Variants in IGSF21 observed in about 807,000 individuals in gnomAD.
The protein encoded by IGSF21 is immunoglobulin superfamily member 21.
In IGSF21, 28 loss-of-function variants were observed where a neutral mutation model predicts 46.8. The observed-to-expected ratio is 0.60, with a 90% CI of 0.44 to 0.82. The LOEUF (loss-of-function observed/expected upper bound fraction) is 0.82, where lower values mean the gene tolerates loss of function less well. IGSF21 is among the 40% of genes least tolerant of loss of function. The pLI is 0.00. For synonymous variants in IGSF21, 284 were observed against 273.6 expected (o/e 1.04, Z -0.38); for missense variants, 624 against 665.5 (o/e 0.94, Z 0.69).
chr1:18,208,395 A>ATATATATAT (rs369367032), intron 1 of IGSF21, among the ~76,000 whole-genome samples: 31 of 123,772 alleles, frequency 2.5e-4, no homozygotes, highest in African/African-American at 8.2e-4. Context: ...ATATATATAT[A>ATATATATAT]TTTTTTGAGA....
chr1:18,221,545 A>G (rs1010384459), intron 1 of IGSF21, among the ~76,000 whole-genome samples: 5 of 152,154 alleles, frequency 3.3e-5, no homozygotes, highest in Non-Finnish European at 7.3e-5. Flanking sequence ...GCTATTTGTC[A>G]TCACCTCATT....
chr1:18,253,475 G>T (rs570193092), intron 2 of IGSF21, among the ~76,000 whole-genome samples: 48 of 152,322 alleles, frequency 3.2e-4, no homozygotes, highest in African/African-American at 1.1e-3. Flanking sequence ...GTTGCTCCTT[G>T]GTCCTGCCCA....
At position 18,256,749 on chromosome 1, in the gene IGSF21, A is replaced by G. The variant is rs577696596; in HGVS notation, c.183+28739A>G. On this transcript the variant is annotated intron_variant, in intron 2 of 9. Coordinates refer to ENST00000251296, the MANE Select transcript of IGSF21 (RefSeq NM_032880.5). ...CATATTTGCCTCTCAGCATCTGGCT[A>G]TATTTCTGAGACAGGGGAGGAGACA... 1.8e-4 allele frequency among the ~76,000 whole-genome samples: 27 copies of G among 152,278 alleles called. 2 individuals are homozygous for G. In the South Asian group the frequency reaches 5.6e-3, roughly 32 times the overall value.
At chr1:18,339,469 C>T (rs1370399146) in intron 4 of IGSF21, among the ~76,000 whole-genome samples, 2 of 152,198 alleles carry the variant, frequency 1.3e-5, no homozygotes, top group African/African-American at 4.8e-5. Context: ...TGGTGGCTCA[C>T]ATGTCTAATC....
chr1:18,273,464 C>CTCTTTCT (rs1553159601), intron 2 of IGSF21, among the ~76,000 whole-genome samples: 139 of 12,054 alleles, frequency 0.012, 19 homozygotes, highest in South Asian at 0.018. Context: ...CTTTCTCTCT[C>CTCTTTCT]TTTCTTTCTT....
chr1:18,142,131 A>C (rs1005767387), intron 1 of IGSF21, among the ~76,000 whole-genome samples: 10 of 152,208 alleles, frequency 6.6e-5, no homozygotes, highest in African/African-American at 2.2e-4. Context: ...AAAATAAACA[A>C]AACCAAAACC....
chr1:18,238,631 G>T (rs1254761509), intron 2 of IGSF21, among the ~76,000 whole-genome samples: 1 of 152,022 alleles, frequency 6.6e-6, no homozygotes, highest in Non-Finnish European at 1.5e-5. Flanking sequence ...TTGAGAGGGG[G>T]TGCCAACAGC....
intron 2 of IGSF21, among the ~76,000 whole-genome samples, chr1:18,250,320 C>G (rs1459809646): frequency 6.6e-6 from 1 of 151,814 alleles, no homozygotes; most frequent in Non-Finnish European, 1.5e-5. Context: ...CCCCTGAGGC[C>G]AAGGGCTGAA....
chr1:18,163,091 A>T (rs1294800539), intron 1 of IGSF21, among the ~76,000 whole-genome samples: 2 of 152,110 alleles, frequency 1.3e-5, no homozygotes, highest in Admixed American at 1.3e-4. Context: ...AGATGTTTCC[A>T]TGGGGCTTGG....
At chr1:18,163,703 G>T (rs1032170020) in intron 1 of IGSF21, among the ~76,000 whole-genome samples, 1 of 152,204 alleles carries the variant, frequency 6.6e-6, no homozygotes, top group South Asian at 2.1e-4. Flanking sequence ...GCATTGGTGG[G>T]TGGGAAAAGG....
intron 2 of IGSF21, among the ~76,000 whole-genome samples, 159 bp downstream of exon 2, chr1:18,228,169 C>T (rs2084588619): frequency 6.6e-6 from 1 of 152,158 alleles, no homozygotes; most frequent in Non-Finnish European, 1.5e-5. Context: ...CTGCTGACAC[C>T]CTCCTTGGGT....
intron 3 of IGSF21, among the ~76,000 whole-genome samples, chr1:18,327,189 A>C (rs1219485714): frequency 6.6e-6 from 1 of 152,216 alleles, no homozygotes; most frequent in Non-Finnish European, 1.5e-5. Context: ...GCAAATTGAC[A>C]GCAACACTTA....
intron 1 of IGSF21, among the ~76,000 whole-genome samples, chr1:18,149,410 A>G (rs2086500741): frequency 2.0e-5 from 3 of 152,236 alleles, no homozygotes. Context: ...GGCACGGTTC[A>G]GAGGCTCAGA....
In IGSF21 at chr1:18,335,565, T is replaced by A. The variant is rs1366543762; in HGVS notation, c.424+555T>A. Among the ~76,000 whole-genome samples, 1 of 152,166 alleles carries A rather than the reference T, an allele frequency of 6.6e-6. No homozygotes were observed. The highest frequency in any genetic ancestry group is 2.1e-4 in the South Asian group (1 of 4,824). ...CCCCATCCCAGACTCAGTTTTCCCA[T>A]GTGTAAAACAAGAATGCTGCTCTGC... On this transcript the variant is annotated intron_variant, in intron 4 of 9. Transcript: ENST00000251296. This position sits in a 1 kb window ranked among gnomAD's most constrained non-coding sequence, Gnocchi z 4.8.
intron 3 of IGSF21, among the ~76,000 whole-genome samples, chr1:18,324,249 G>A (rs1180951481): frequency 6.6e-6 from 1 of 152,194 alleles, no homozygotes; most frequent in East Asian, 1.9e-4. Context: ...GGAGAAGTTG[G>A]ACCCAAATTC....
chr1:18,294,298 T>C (rs914814500), intron 3 of IGSF21, among the ~76,000 whole-genome samples: 5 of 152,188 alleles, frequency 3.3e-5, no homozygotes, highest in Non-Finnish European at 7.3e-5. Flanking sequence ...AAGTGGTACA[T>C]GTTTGCTGCC....
In IGSF21 at chr1:18,256,089, G is replaced by A. The variant is rs949670735; in HGVS notation, c.183+28079G>A. ...CCATCTTTCATCAGCCCCAACCCAG[G>A]CCCTCCCACCTGATGGGCTAGCCAT... is the stretch of plus-strand genomic sequence containing the variant. On this transcript the variant is annotated intron_variant, in intron 2 of 9. Coordinates refer to ENST00000251296, the MANE Select transcript of IGSF21 (RefSeq NM_032880.5). 5.3e-5 allele frequency among the ~76,000 whole-genome samples: 8 copies of A among 152,144 alleles called. No individual in the cohort carries two copies. The East Asian group carries it at 9.7e-4, about 18-fold the overall frequency.
At chr1:18,305,889 T>C (rs1029681684) in intron 3 of IGSF21, among the ~76,000 whole-genome samples, 4 of 152,202 alleles carry the variant, frequency 2.6e-5, no homozygotes, top group Admixed American at 6.5e-5. Flanking sequence ...ATTGAGTAAC[T>C]TGCTTGAGGT....
At position 18,179,656 on chromosome 1, in the gene IGSF21, C is replaced by T. The variant is rs573943935; in HGVS notation, c.71-48242C>T. On this transcript the variant is annotated intron_variant, in intron 1 of 9. Coordinates refer to ENST00000251296, the MANE Select transcript of IGSF21 (RefSeq NM_032880.5). ...AACTCTCTGGCTGGGGTCGGGGTGA[C>T]GGATGCTTGAGCCAGGGAAGCAGGA... Among the ~76,000 whole-genome samples the T allele has an allele frequency of 1.9e-3, 289 of 151,950 alleles. 1 individual carries two copies. Among genetic ancestry groups the T allele is most frequent in the Middle Eastern group, 3.4e-3 (1 of 294 alleles).
Sources: allele counts gnomAD v4.1 joint callset (sites outside exome capture counted in the v4.1 genomes callset), GRCh38; gene constraint gnomAD v4.1.1; non-coding constraint Gnocchi (gnomAD v3.1); transcripts MANE v1.5; gene names NCBI Gene and HGNC (gene_info 2026-07-23, HGNC 2026-07-21).